ZNF678: variants seen among roughly 807,000 people sequenced by gnomAD.
ZNF678 encodes the protein hypothetical protein MGC42493.
ZNF678 carries 5 observed loss-of-function variants against 3.0 expected under a neutral mutation model. That is an observed-to-expected ratio of 1.69 (90% confidence interval 0.88 to 3.56). The LOEUF is 3.56. Ranked by LOEUF, ZNF678 falls within the 30% of genes most tolerant of loss-of-function variation. The probability of loss-of-function intolerance (pLI) is 0.00; values close to 1 mark genes in which losing one functional copy is unlikely to be tolerated. For synonymous variants in ZNF678, 218 were observed against 199.6 expected, an observed-to-expected ratio of 1.09 and a Z score of -0.78; for missense variants, 593 against 605.0, an observed-to-expected ratio of 0.98 and a Z score of 0.21.
chr1:227,599,837 G>A (rs1199934818), intron 1 of ZNF678, among the ~76,000 whole-genome samples: 2 of 151,954 alleles, frequency 1.3e-5, no homozygotes, highest in Non-Finnish European at 2.9e-5. Flanking sequence ...TTTCAAGCAC[G>A]GGGTACATGT....
chr1:227,596,973 T>C (rs1351094764), intron 1 of ZNF678, among the ~76,000 whole-genome samples: 2 of 152,236 alleles, frequency 1.3e-5, no homozygotes, highest in Non-Finnish European at 2.9e-5. Context: ...AGTTTTTTCT[T>C]TGAATTCCTG....
intron 1 of ZNF678, among the ~76,000 whole-genome samples, chr1:227,597,060 T>C (rs1210037579): frequency 6.6e-6 from 1 of 152,240 alleles, no homozygotes; most frequent in Non-Finnish European, 1.5e-5. Context: ...AATAAAATTC[T>C]CCTACCACTT....
chr1:227,592,010 T>C (rs193178176), intron 1 of ZNF678, among the ~76,000 whole-genome samples: 132 of 152,096 alleles, frequency 8.7e-4, no homozygotes, highest in Admixed American at 2.5e-3. Context: ...TTTGCAGGGG[T>C]TTGCAAAGCT....
At chr1:227,575,640 T>C (rs1349195853) in intron 1 of ZNF678, among the ~76,000 whole-genome samples, 1 of 152,196 alleles carries the variant, frequency 6.6e-6, no homozygotes, top group Non-Finnish European at 1.5e-5. Context: ...AGGGAGATTT[T>C]GGGGCGAGAC....
Position 227,650,439 on chromosome 1 carries a change from C to A in ZNF678, c.-36-517C>A, listed in dbSNP as rs558544289. Among the ~76,000 whole-genome samples the A allele has an allele frequency of 2.6e-5, 4 of 152,160 alleles. No homozygotes were observed. In the South Asian group the frequency reaches 8.3e-4, roughly 32 times the overall value. On this transcript the variant is annotated intron_variant, in intron 2 of 3. Coordinates refer to ENST00000343776, the MANE Select transcript of ZNF678 (RefSeq NM_001367909.1). Reference sequence around the variant, plus strand: ...CTTTAAATCAGAAAGTGTGATGCCCCCAGCTTTGTTCTTATTTCTCAACTA... The same window carrying A: ...CTTTAAATCAGAAAGTGTGATGCCCACAGCTTTGTTCTTATTTCTCAACTA...
chr1:227,646,128 G>A (rs551694370), intron 1 of ZNF678, among the ~76,000 whole-genome samples: 1 of 152,162 alleles, frequency 6.6e-6, no homozygotes, highest in Non-Finnish European at 1.5e-5. Flanking sequence ...AAAAAGTCAG[G>A]TTTCAGCCCA....
intron 2 of ZNF678, among the ~76,000 whole-genome samples, chr1:227,648,956 A>G (rs1241069849): frequency 3.9e-5 from 6 of 152,222 alleles, no homozygotes; most frequent in Non-Finnish European, 7.3e-5. Flanking sequence ...AAGTGAGATC[A>G]TACAGTATCT....
chr1:227,672,523 A>C (rs1163320455), intron 5 of ZNF678, among the ~76,000 whole-genome samples: 2 of 151,732 alleles, frequency 1.3e-5, no homozygotes, highest in African/African-American at 2.4e-5. Flanking sequence ...TCAGGTGGAG[A>C]CTCCTACTCA....
chr1:227,647,447 G>A (rs1255422880), intron 2 of ZNF678, among the ~76,000 whole-genome samples: 1 of 152,124 alleles, frequency 6.6e-6, no homozygotes, highest in Non-Finnish European at 1.5e-5. Context: ...AATGAAACAG[G>A]TCTTGCTGTG....
intron 1 of ZNF678, among the ~76,000 whole-genome samples, chr1:227,594,710 C>T (rs1175761838): frequency 2.0e-5 from 3 of 152,172 alleles, no homozygotes; most frequent in Admixed American, 6.5e-5. Flanking sequence ...TCCTCTTTCA[C>T]GACTTTTGCA....
chr1:227,655,548 A>G lies in ZNF678; in HGVS notation c.1298A>G (p.Tyr433Cys), dbSNP rs764856263. ...AGAATTCATACTGGAGAGAAACCCT[A>G]CAAATGTAAAGAATGTGGCAAAGCT... The part of the protein sequence containing the change: ...HKRIHTGEKP[Y>C]KCKECGKAFY... Residue 433 changes from tyrosine (Y) to cysteine (C), a missense_variant, in exon 4 of 4, where the codon TAC (tyrosine) becomes TGC (cysteine). Physicochemically the swap from Tyr to Cys is radical, Grantham distance 194. Transcript: ENST00000343776. The G allele has an allele frequency of 4.3e-6, 7 of 1,612,612 alleles. 1 individual carries two copies. Among genetic ancestry groups the G allele is most frequent in the African/African-American group, 1.3e-5 (1 of 74,880 alleles).
rs1320329690 is a variant in ZNF678, at chr1:227,638,268, G to A, written c.-163-8276G>A. On this transcript the variant is annotated intron_variant, in intron 1 of 3. Transcript: ENST00000343776. The surrounding 1 kb of genome is among the most constrained non-coding windows in gnomAD (Gnocchi z 4.2). Reference sequence around the variant, plus strand: ...TTAGAATAGAAAAATGGGTGGTATTGGAGGGAATTGCGGAAAGTGAAGTAT... The same window carrying A: ...TTAGAATAGAAAAATGGGTGGTATTAGAGGGAATTGCGGAAAGTGAAGTAT... 6.6e-6 allele frequency among the ~76,000 whole-genome samples: 1 copy of A among 152,184 alleles called. No individual in the cohort carries two copies. The highest frequency in any genetic ancestry group is 1.5e-5 in the Non-Finnish European group (1 of 68,030).
chr1:227,578,785 T>C (rs1393185562), intron 1 of ZNF678, among the ~76,000 whole-genome samples: 13 of 152,216 alleles, frequency 8.5e-5, no homozygotes, highest in Admixed American at 5.2e-4. Context: ...CTTGGAGAGG[T>C]GACACAGCCG....
At chr1:227,635,515 T>TTGCG (rs1553270313) in intron 1 of ZNF678, among the ~76,000 whole-genome samples, 1 of 127,936 alleles carries the variant, frequency 7.8e-6, no homozygotes, top group Non-Finnish European at 1.6e-5. Context: ...GGGTGAACAT[T>TTGCG]TGTGTGTGTG....
chr1:227,608,232 G>C (rs1657926668), intron 1 of ZNF678, among the ~76,000 whole-genome samples: 1 of 151,722 alleles, frequency 6.6e-6, no homozygotes, highest in African/African-American at 2.4e-5. Flanking sequence ...TATAATTTGA[G>C]GTTACTTAAA....
At position 227,659,268 on chromosome 1, in the gene ZNF678, G is replaced by T. The variant is rs1659336095; in HGVS notation, c.*3440G>T. 1 of 152,012 alleles carries T rather than the reference G, an allele frequency of 6.6e-6. No homozygotes were observed. Among genetic ancestry groups the T allele is most frequent in the Non-Finnish European group, 1.5e-5 (1 of 67,990 alleles). The allele number at this position is 152,012 out of a possible 1,614,324, so 9.4% of individuals were successfully genotyped here. Reference sequence around the variant, plus strand: ...TATCACAATATGTTTTATTTAAATGGATGCAGCTTACATTGCAGAGTTTAT... The same window carrying T: ...TATCACAATATGTTTTATTTAAATGTATGCAGCTTACATTGCAGAGTTTAT... On this transcript the variant is annotated 3_prime_UTR_variant, in exon 4 of 4. Transcript: ENST00000343776.
chr1:227,655,339 C>A lies in ZNF678; in HGVS notation c.1089C>A (p.Asn363Lys). The A allele has an allele frequency of 1.2e-6, 2 of 1,610,854 alleles. No homozygotes were observed. Among genetic ancestry groups the A allele is most frequent in the Non-Finnish European group, 1.7e-6 (2 of 1,178,042 alleles). Residue 363 changes from asparagine (N) to lysine (K), a missense_variant, in exon 4 of 4, where the codon AAC becomes AAA. Physicochemically the swap from Asn to Lys is moderately conservative, Grantham distance 94. Coordinates refer to ENST00000343776, the MANE Select transcript of ZNF678 (RefSeq NM_001367909.1). ...ECGRTFTQFS[N>K]LTQHKRIHTG... ...GCAGAACCTTTACTCAATTCTCAAA[C>A]CTCACTCAGCATAAAAGAATTCATA... is the stretch of plus-strand genomic sequence containing the variant.
In ZNF678 at chr1:227,623,408, C is replaced by G. The variant is rs985292160; in HGVS notation, c.-163-23136C>G. The stretch of plus-strand genomic sequence containing the variant: ...GTGACATGGGGAATAACTAAACTTA[C>G]CTGACAGGTTTGTTGGCAAGAACTT... On this transcript the variant is annotated intron_variant, in intron 1 of 3. Transcript: ENST00000343776. Among the ~76,000 whole-genome samples, 7 of 152,198 alleles carry G rather than the reference C, an allele frequency of 4.6e-5. No individual in the cohort carries two copies. In the East Asian group the frequency reaches 1.3e-3, roughly 29 times the overall value.
chr1:227,614,749 G>T (rs1658102412), intron 1 of ZNF678, among the ~76,000 whole-genome samples: 1 of 152,138 alleles, frequency 6.6e-6, no homozygotes, highest in Non-Finnish European at 1.5e-5. Flanking sequence ...TTCCCTGGTG[G>T]TTGCTTTATG....
Sources: allele counts gnomAD v4.1 joint callset (sites outside exome capture counted in the v4.1 genomes callset), GRCh38; gene constraint gnomAD v4.1.1; non-coding constraint Gnocchi (gnomAD v3.1); transcripts MANE v1.5; gene names NCBI Gene and HGNC (gene_info 2026-07-23, HGNC 2026-07-21).